Variants in BPGM observed in about 807,000 individuals in gnomAD.
The protein encoded by BPGM is 2,3-bisphosphoglycerate mutase, erythrocyte.
In BPGM, 15 loss-of-function variants were observed where a neutral mutation model predicts 21.6. That is an observed-to-expected ratio of 0.70 (90% CI 0.47 to 1.07). BPGM has a LOEUF of 1.07. BPGM is among the 50% of genes least tolerant of loss of function. The probability of loss-of-function intolerance (pLI) is 0.00; values close to 1 mark genes in which losing one functional copy is unlikely to be tolerated. For missense variants in BPGM, 273 were observed against 319.0 expected (o/e 0.86, Z 1.10); for synonymous variants, 113 against 116.2 (o/e 0.97, Z 0.18).
chr7:134,654,760 A>G (rs1795611894), intron 1 of BPGM, among the ~76,000 whole-genome samples: 2 of 152,182 alleles, frequency 1.3e-5, no homozygotes, highest in Admixed American at 6.5e-5. Flanking sequence ...AGTCTGTTTT[A>G]GAGAAGTCAT....
rs765416722 is a variant in BPGM at position 134,661,972 on chromosome 7, G to A, written c.465G>A (p.Ser155=). ...CDVPLDQLPR[S]ESLKDVLERL... The stretch of plus-strand genomic sequence containing the variant: ...TGCCCTTGGATCAACTGCCACGGTC[G>A]GAAAGCTTAAAGGATGTTCTGGAGA... Residue 155 remains serine (S), a synonymous_variant, in exon 2 of 3, where the codon TCG becomes TCA. Transcript: ENST00000344924. The surrounding 1 kb of genome is among the most constrained non-coding windows in gnomAD (Gnocchi z 4.6). 18 of 1,614,142 alleles carry A rather than the reference G, an allele frequency of 1.1e-5. No individual in the cohort carries two copies. In the Middle Eastern group the frequency reaches 4.9e-4, roughly 44 times the overall value.
rs532282608 is a variant in BPGM at position 134,661,934 on chromosome 7, A to G, written c.427A>G (p.Lys143Glu). The change falls in exon 2 of 3, where the codon AAA (lysine) becomes GAA (glutamate). Residue 143 changes from lysine to glutamate, a missense_variant. Physicochemically the swap from Lys to Glu is moderately conservative, Grantham distance 56. Coordinates refer to ENST00000344924, the MANE Select transcript of BPGM (RefSeq NM_001724.5). This position sits in a 1 kb window ranked among gnomAD's most constrained non-coding sequence, Gnocchi z 4.6. ...YQEIYNDRRYKVCDVPLDQLP... is the reference protein window; with the variant it reads ...YQEIYNDRRYEVCDVPLDQLP... ...AGAAATCTACAACGACCGGAGGTAT[A>G]AAGTATGCGATGTGCCCTTGGATCA... 3 of 1,614,044 alleles carry G rather than the reference A, an allele frequency of 1.9e-6. No homozygotes were observed. Among genetic ancestry groups the G allele is most frequent in the South Asian group, 2.2e-5 (2 of 91,082 alleles).
rs1018654853 is a variant in BPGM at position 134,661,029 on chromosome 7, A to G, written c.-61-418A>G. On this transcript the variant is annotated intron_variant, in intron 1 of 2. Transcript: ENST00000344924. The surrounding 1 kb of genome is among the most constrained non-coding windows in gnomAD (Gnocchi z 4.6). Reference sequence around the variant, plus strand: ...TTCTTTTTCCACCACAGGAAAACAAAGTGAAAAGGATGCCTTCAGTGTAGA... The same window carrying G: ...TTCTTTTTCCACCACAGGAAAACAAGGTGAAAAGGATGCCTTCAGTGTAGA... 2.0e-5 allele frequency among the ~76,000 whole-genome samples: 3 copies of G among 152,222 alleles called. No homozygotes were observed. The highest frequency in any genetic ancestry group is 4.4e-5 in the Non-Finnish European group (3 of 68,036).
At chr7:134,678,420 A>G (rs1796012355) in intron 2 of BPGM, among the ~76,000 whole-genome samples, 1 of 152,224 alleles carries the variant, frequency 6.6e-6, no homozygotes, top group Non-Finnish European at 1.5e-5. Context: ...CAAATGAACT[A>G]GATTTAGAGA....
At position 134,673,891 on chromosome 7, in the gene BPGM, T is replaced by C. The variant is rs563226588; in HGVS notation, c.602-4962T>C. Among the ~76,000 whole-genome samples the C allele has an allele frequency of 1.5e-4, 23 of 150,164 alleles. 1 individual carries two copies. The East Asian group carries it at 4.5e-3, about 29-fold the overall frequency. On this transcript the variant is annotated intron_variant, in intron 2 of 2. Coordinates refer to ENST00000344924, the MANE Select transcript of BPGM (RefSeq NM_001724.5). ...AGAGCAGGTTTTTATTTAACCACTC[T>C]GGATCTGTTTCCTTTTTTTTTTTTT... is the stretch of plus-strand genomic sequence containing the variant.
intron 1 of BPGM, among the ~76,000 whole-genome samples, chr7:134,655,963 G>A (rs146796784): frequency 2.0e-5 from 3 of 152,340 alleles, no homozygotes; most frequent in Non-Finnish European, 2.9e-5. Flanking sequence ...GTGGTTAAGC[G>A]GGATGCTACA....
chr7:134,650,917 T>G (rs1427975719), intron 1 of BPGM, among the ~76,000 whole-genome samples: 1 of 152,326 alleles, frequency 6.6e-6, no homozygotes, highest in Middle Eastern at 3.4e-3. Flanking sequence ...AGAGTGAGAC[T>G]GCGTCTCAAA....
chr7:134,651,053 A>G (rs1795548374), intron 1 of BPGM, among the ~76,000 whole-genome samples: 1 of 152,170 alleles, frequency 6.6e-6, no homozygotes, highest in African/African-American at 2.4e-5. Context: ...CCCATCTTCT[A>G]TAAAGTTAGA....
chr7:134,667,232 T>C (rs74318254), intron 2 of BPGM, among the ~76,000 whole-genome samples: 4,427 of 152,364 alleles, frequency 0.029, 102 homozygotes, highest in East Asian at 0.12. Context: ...TGTATGTGTT[T>C]ATGGTGGTAC....
chr7:134,649,016 G>A (rs1458668722), intron 1 of BPGM, among the ~76,000 whole-genome samples: 1 of 152,138 alleles, frequency 6.6e-6, no homozygotes. Context: ...CCTAGTAGGT[G>A]TATATATTTA....
In BPGM at chr7:134,646,925, G is replaced by T. The variant is rs1461880795; in HGVS notation, c.-74G>T. 2 of 189,330 alleles carry T rather than the reference G, an allele frequency of 1.1e-5. No homozygotes were observed. The highest frequency in any genetic ancestry group is 2.3e-5 in the Non-Finnish European group (2 of 87,858). The allele number at this position is 189,330 out of a possible 1,614,324, so 11.7% of individuals were successfully genotyped here. A position where few individuals can be genotyped will look rare whatever the true frequency, so the allele number is the denominator to read the frequency against. ...TGCTGCTGCTGCTGCTGCTGCTGGT[G>T]GCCCCTTTGCAGGTGAGTGGCTTTG... is the stretch of plus-strand genomic sequence containing the variant. On this transcript the variant is annotated 5_prime_UTR_variant, in exon 1 of 3. Transcript: ENST00000344924.
intron 1 of BPGM, among the ~76,000 whole-genome samples, chr7:134,650,164 G>C (rs755372424): frequency 6.6e-6 from 1 of 152,144 alleles, no homozygotes; most frequent in Non-Finnish European, 1.5e-5. Flanking sequence ...TTTGGAATTT[G>C]GTGGACACAG....
intron 1 of BPGM, among the ~76,000 whole-genome samples, chr7:134,650,474 C>T (rs1342560594): frequency 1.3e-5 from 2 of 152,098 alleles, no homozygotes; most frequent in African/African-American, 4.8e-5. Flanking sequence ...AACATTTGCT[C>T]CTGTAAAATG....
At chr7:134,657,998 C>T (rs529769289) in intron 1 of BPGM, among the ~76,000 whole-genome samples, 4 of 152,260 alleles carry the variant, frequency 2.6e-5, no homozygotes, top group African/African-American at 9.6e-5. Context: ...AAGCTAGCAG[C>T]CACGATCTAG....
chr7:134,649,636 C>G (rs1795525141), intron 1 of BPGM, among the ~76,000 whole-genome samples: 2 of 152,184 alleles, frequency 1.3e-5, no homozygotes, highest in African/African-American at 4.8e-5. Context: ...TCTGCTGAAA[C>G]TTAGCCACAA....
At chr7:134,676,921 T>C (rs545240931) in intron 2 of BPGM, among the ~76,000 whole-genome samples, 13 of 152,342 alleles carry the variant, frequency 8.5e-5, no homozygotes, top group Admixed American at 8.5e-4. Flanking sequence ...AGCTGACATT[T>C]CTGGCCTGTT....
At chr7:134,658,008 G>T (rs1249286625) in intron 1 of BPGM, among the ~76,000 whole-genome samples, 2 of 152,250 alleles carry the variant, frequency 1.3e-5, no homozygotes, top group East Asian at 3.9e-4. Flanking sequence ...CCACGATCTA[G>T]CCTGCAGAAG....
intron 1 of BPGM, among the ~76,000 whole-genome samples, chr7:134,655,614 G>T (rs1795624966): frequency 6.6e-6 from 1 of 152,180 alleles, no homozygotes; most frequent in South Asian, 2.1e-4. Context: ...ACAAAGTACA[G>T]AACTATAATG....
intron 2 of BPGM, among the ~76,000 whole-genome samples, chr7:134,662,371 C>A (rs1795750003): frequency 6.6e-6 from 1 of 152,140 alleles, no homozygotes; most frequent in South Asian, 2.1e-4. Context: ...TGGGTCCCAC[C>A]CTCAGAGTTT....
Sources: gnomAD v4.1 joint callset for allele counts (sites outside exome capture counted in the v4.1 genomes callset) on GRCh38, gnomAD v4.1.1 for gene constraint, Gnocchi (gnomAD v3.1) non-coding constraint, MANE v1.5 for transcripts, NCBI Gene and HGNC (gene_info 2026-07-23, HGNC 2026-07-21) for gene names.